The following EYA1 variants were observed in gnomAD, a reference collection of about 807,000 sequenced individuals.
EYA1 encodes the protein protein phosphatase EYA1.
In EYA1, 16 loss-of-function variants were observed where a neutral mutation model predicts 82.0. The observed-to-expected ratio is 0.20, with a 90% CI of 0.13 to 0.30. The LOEUF is 0.30. Among genes scored for constraint, EYA1 ranks in the 10% least tolerant of loss-of-function variants. The pLI, the probability that EYA1 is intolerant of heterozygous loss-of-function variation, is 1.00. For missense variants in EYA1, 633 were observed against 730.7 expected, an observed-to-expected ratio of 0.87 and a Z score of 1.54; for synonymous variants, 261 against 264.4, an observed-to-expected ratio of 0.99 and a Z score of 0.12.
At chr8:71,232,038 G>C (rs1338454763) in intron 12 of EYA1, among the ~76,000 whole-genome samples, 1 of 152,166 alleles carries the variant, frequency 6.6e-6, no homozygotes, top group Non-Finnish European at 1.5e-5. Context: ...CTCTGACTTG[G>C]CTAGAAAGGT....
At chr8:71,289,765 A>G (rs991655272) in intron 9 of EYA1, among the ~76,000 whole-genome samples, 2 of 152,244 alleles carry the variant, frequency 1.3e-5, no homozygotes, top group East Asian at 3.8e-4. Context: ...AATACCTGGC[A>G]CTAGTAAATG....
At chr8:71,202,505 G>C (rs928768368) in intron 17 of EYA1, among the ~76,000 whole-genome samples, 4 of 152,262 alleles carry the variant, frequency 2.6e-5, no homozygotes, top group Middle Eastern at 6.8e-3. Context: ...TTCCTGTACA[G>C]AGTATTAATA....
At chr8:71,449,508 G>A (rs980812268) in intron 2 of EYA1, among the ~76,000 whole-genome samples, 8 of 152,034 alleles carry the variant, frequency 5.3e-5, no homozygotes, top group African/African-American at 1.9e-4. Context: ...CTCAACACTG[G>A]GCTTAAAATA....
chr8:71,489,997 G>A (rs979320079), intron 2 of EYA1, among the ~76,000 whole-genome samples: 10 of 152,172 alleles, frequency 6.6e-5, no homozygotes, highest in African/African-American at 2.4e-4. Context: ...AAGGTCCAGG[G>A]CCAAGTGTGA....
intron 2 of EYA1, among the ~76,000 whole-genome samples, chr8:71,396,996 G>A (rs1829662362): frequency 6.6e-6 from 1 of 152,166 alleles, no homozygotes; most frequent in African/African-American, 2.4e-5. Context: ...TATATATTTA[G>A]CATAGTTAGC....
chr8:71,247,267 G>A (rs999339401), intron 11 of EYA1, among the ~76,000 whole-genome samples: 1 of 152,076 alleles, frequency 6.6e-6, no homozygotes, highest in African/African-American at 2.4e-5. Context: ...AGCCCTAGAG[G>A]AGGAACAGAG....
At chr8:71,480,637 G>A (rs185085749) in intron 2 of EYA1, among the ~76,000 whole-genome samples, 11 of 151,652 alleles carry the variant, frequency 7.3e-5, no homozygotes, top group Admixed American at 1.3e-4. Context: ...TTCAAAACCT[G>A]AGCCTAATTT....
intron 2 of EYA1, among the ~76,000 whole-genome samples, chr8:71,400,492 A>G (rs1829894755): frequency 6.6e-6 from 1 of 152,172 alleles, no homozygotes; most frequent in Non-Finnish European, 1.5e-5. Context: ...AGGAATAGAC[A>G]CTTCTCAAAA....
At chr8:71,207,952 G>GTGTT (rs1563615386) in intron 17 of EYA1, among the ~76,000 whole-genome samples, 1 of 152,136 alleles carries the variant, frequency 6.6e-6, no homozygotes, top group African/African-American at 2.4e-5. Flanking sequence ...TGAATTTTAA[G>GTGTT]TGTTTTATTG....
intron 3 of EYA1, among the ~76,000 whole-genome samples, chr8:71,346,569 C>A (rs925564621): frequency 6.6e-6 from 1 of 151,490 alleles, no homozygotes; most frequent in Non-Finnish European, 1.5e-5. Flanking sequence ...ACTTCCTTAT[C>A]CTTATATCAT....
chr8:71,541,772 A>G (rs1040399134), intron 1 of EYA1, among the ~76,000 whole-genome samples: 1 of 152,208 alleles, frequency 6.6e-6, no homozygotes, highest in African/African-American at 2.4e-5. Context: ...ATCTAATTGC[A>G]CATAGGAAGC....
intron 9 of EYA1, among the ~76,000 whole-genome samples, chr8:71,286,093 G>A (rs8181008): frequency 0.35 from 53,433 of 152,012 alleles, 9,594 homozygotes; most frequent in African/African-American, 0.43. Context: ...CAGTTCTATG[G>A]CTCATGGTGT....
chr8:71,381,436 A>T (rs1828694657), intron 2 of EYA1, among the ~76,000 whole-genome samples: 1 of 152,096 alleles, frequency 6.6e-6, no homozygotes, highest in Admixed American at 6.6e-5. Flanking sequence ...CCAAAAGGAG[A>T]TGAAACGCCG....
At position 71,197,538 on chromosome 8, in the gene EYA1, G is replaced by GAT. The variant is rs1806390376; in HGVS notation, c.*1800_*1801dup. 1.3e-5 allele frequency: 2 copies of GAT among 152,488 alleles called. No individual in the cohort carries two copies. Among genetic ancestry groups the GAT allele is most frequent in the South Asian group, 4.1e-4 (2 of 4,828 alleles). The allele number at this position is 152,488 out of a possible 1,614,324, so 9.4% of individuals were successfully genotyped here. Reference sequence around the variant, plus strand: ...GCACACCTTTATACAGTAAGGCCAAGATAAACTTTGTCTTTTCAGTCTGCA... The same window carrying GAT: ...GCACACCTTTATACAGTAAGGCCAAGATATAAACTTTGTCTTTTCAGTCTGCA... On this transcript the variant is annotated 3_prime_UTR_variant, in exon 18 of 18. Transcript: ENST00000340726.
At chr8:71,291,051 GGCC>G (rs1344652383) in intron 9 of EYA1, among the ~76,000 whole-genome samples, 1 of 152,160 alleles carries the variant, frequency 6.6e-6, no homozygotes, top group Non-Finnish European at 1.5e-5. Flanking sequence ...GAGCAAGTAT[GGCC>G]TGCAGATTTT....
chr8:71,480,460 T>TAC lies in EYA1; in HGVS notation c.33+55282_33+55283dup, dbSNP rs1298496884. Among the ~76,000 whole-genome samples, 7 of 152,190 alleles carry TAC rather than the reference T, an allele frequency of 4.6e-5. No individual in the cohort carries two copies. The East Asian group carries it at 1.3e-3, about 29-fold the overall frequency. Reference sequence around the variant, plus strand: ...TCCTCATCACTGGTTAAATCACTTGTACACACGCATTGTCTTAAAGCATTT... The same window carrying TAC: ...TCCTCATCACTGGTTAAATCACTTGTACACACACGCATTGTCTTAAAGCATTT... On this transcript the variant is annotated intron_variant, in intron 2 of 18. Coordinates refer to the EYA1 transcript ENST00000643681.
chr8:71,502,160 A>G (rs1403767696), intron 2 of EYA1, among the ~76,000 whole-genome samples: 2 of 152,220 alleles, frequency 1.3e-5, no homozygotes, highest in African/African-American at 4.8e-5. Flanking sequence ...AGATAATGCA[A>G]TACCAGATCA....
intron 1 of EYA1, among the ~76,000 whole-genome samples, chr8:71,538,283 G>T (rs751219633): frequency 6.6e-6 from 1 of 152,004 alleles, no homozygotes; most frequent in African/African-American, 2.4e-5. Flanking sequence ...TGTCTCCCCC[G>T]CTAGACTGTA....
chr8:71,454,338 C>A (rs1807688137), intron 2 of EYA1, among the ~76,000 whole-genome samples: 2 of 152,166 alleles, frequency 1.3e-5, no homozygotes, highest in African/African-American at 4.8e-5. Context: ...TTTAGCACCC[C>A]ACTGTCAACA....
Sources: allele counts gnomAD v4.1 joint callset (sites outside exome capture counted in the v4.1 genomes callset), GRCh38; gene constraint gnomAD v4.1.1; transcripts MANE v1.5; gene names NCBI Gene and HGNC (gene_info 2026-07-23, HGNC 2026-07-21).